Variants in ARFGEF1 observed in about 807,000 individuals in gnomAD.
ARFGEF1 encodes the protein brefeldin A-inhibited guanine nucleotide-exchange protein 1.
ARFGEF1 carries 42 observed loss-of-function variants against 231.0 expected under a neutral mutation model. The observed-to-expected ratio is 0.18, with a 90% CI of 0.14 to 0.24. The LOEUF is 0.24. Among genes scored for constraint, ARFGEF1 ranks in the 10% least tolerant of loss-of-function variants. The pLI, the probability that ARFGEF1 is intolerant of heterozygous loss-of-function variation, is 1.00. For missense variants in ARFGEF1, 1,345 were observed against 2,192.0 expected, an observed-to-expected ratio of 0.61 and a Z score of 7.72; for synonymous variants, 710 against 732.3, an observed-to-expected ratio of 0.97 and a Z score of 0.49.
chr8:67,288,888 C>T (rs1297280937), intron 6 of ARFGEF1, among the ~76,000 whole-genome samples: 4 of 151,674 alleles, frequency 2.6e-5, no homozygotes, highest in Non-Finnish European at 5.9e-5. Flanking sequence ...ATCTACATAT[C>T]TAATGTAAAA....
intron 34 of ARFGEF1, among the ~76,000 whole-genome samples, chr8:67,208,103 G>A (rs1384405817): frequency 3.9e-5 from 6 of 152,310 alleles, no homozygotes; most frequent in Admixed American, 3.3e-4. Flanking sequence ...GACTGAAGCT[G>A]CAAAGGATTC....
downstream of ARFGEF1, among the ~76,000 whole-genome samples, chr8:67,196,639 TTTGA>T (rs1837992154): frequency 6.6e-6 from 1 of 152,268 alleles, no homozygotes; most frequent in African/African-American, 2.4e-5. Flanking sequence ...TAAATTTTTA[TTTGA>T]TTTTCTAATC....
Position 67,343,250 on chromosome 8 carries a change from G to A in ARFGEF1, c.38C>T (p.Thr13Ile). Residue 13 changes from threonine (T) to isoleucine (I), a missense_variant, in exon 1 of 39, where the codon ACC becomes ATC. Thr to Ile is a moderately conservative substitution (Grantham distance 89). Around this residue, in one of 14 missense-constraint regions of ARFGEF1, gnomAD observed 398 missense variants for 463.2 expected, o/e 0.86. Coordinates refer to ENST00000262215, the MANE Select transcript of ARFGEF1 (RefSeq NM_006421.5). ...GGCCAATATCTTCTCCAGAGCCCGG[G>A]TCAGGAACATGTTCTTCGTCTTCTT... ...EGKKTKNMFL[T>I]RALEKILADK... The A allele has an allele frequency of 6.2e-7, 1 of 1,613,980 alleles. No individual in the cohort carries two copies. The highest frequency in any genetic ancestry group is 8.5e-7 in the Non-Finnish European group (1 of 1,179,894).
chr8:67,218,207 A>AAAAAAATATATATATATATATATAT (rs1491555936), intron 30 of ARFGEF1, 69 bp from the exon 31 acceptor site: 3 of 90,852 alleles, frequency 3.3e-5, no homozygotes, highest in Non-Finnish European at 5.5e-5. Flanking sequence ...AAAAAAAAAA[A>AAAAAAATATATATATATATATATAT]ATATATATAT....
intron 22 of ARFGEF1, among the ~76,000 whole-genome samples, chr8:67,235,312 T>C (rs971189756): frequency 2.6e-5 from 4 of 151,754 alleles, no homozygotes; most frequent in South Asian, 2.1e-4. Flanking sequence ...CACAAGAGAA[T>C]AGGGGTGTTA....
chr8:67,217,693 G>C, intron 32 of ARFGEF1, 89 bp downstream of exon 32: 1 of 1,350,754 alleles, frequency 7.4e-7, no homozygotes, highest in Non-Finnish European at 1.0e-6. Context: ...TGAGAAATCA[G>C]TAGTCACTAT....
chr8:67,334,403 A>G (rs1429957471), intron 1 of ARFGEF1, among the ~76,000 whole-genome samples: 1 of 152,178 alleles, frequency 6.6e-6, no homozygotes, highest in African/African-American at 2.4e-5. Context: ...ACTTCATCAT[A>G]ACAACTAGGA....
chr8:67,183,464 G>A (rs1833548603), intron 5 of ARFGEF1, among the ~76,000 whole-genome samples: 2 of 151,920 alleles, frequency 1.3e-5, no homozygotes, highest in African/African-American at 4.8e-5. Flanking sequence ...AGACCACAAT[G>A]GAAATAAACT....
At chr8:67,315,480 A>G (rs1807268734) in intron 1 of ARFGEF1, among the ~76,000 whole-genome samples, 1 of 152,218 alleles carries the variant, frequency 6.6e-6, no homozygotes. Flanking sequence ...TCACCAAGAC[A>G]GTCCATATTT....
At chr8:67,180,690 C>A (rs764328570) in intron 5 of ARFGEF1, among the ~76,000 whole-genome samples, 10 of 152,012 alleles carry the variant, frequency 6.6e-5, no homozygotes, top group Non-Finnish European at 1.3e-4. Context: ...CAAAATGTTA[C>A]CATTGGGGGA....
intron 22 of ARFGEF1, among the ~76,000 whole-genome samples, chr8:67,235,989 G>C (rs1195232464): frequency 2.6e-5 from 4 of 151,820 alleles, no homozygotes; most frequent in Non-Finnish European, 4.4e-5. Context: ...TCACGGCAGA[G>C]ATACCATTAA....
intron 29 of ARFGEF1, among the ~76,000 whole-genome samples, chr8:67,223,604 G>A (rs560207916): frequency 2.0e-5 from 3 of 152,170 alleles, no homozygotes; most frequent in Non-Finnish European, 4.4e-5. Flanking sequence ...TTACTAACTA[G>A]AACACACACA....
intron 15 of ARFGEF1, 129 bp from the exon 16 acceptor site, chr8:67,258,419 G>A (rs1840530700): frequency 1.6e-6 from 1 of 625,996 alleles, no homozygotes; most frequent in Non-Finnish European, 2.7e-6. Flanking sequence ...TCTGCCCCCA[G>A]GTTCAAGCGA....
At chr8:67,321,079 AT>A (rs1193520747) in intron 1 of ARFGEF1, among the ~76,000 whole-genome samples, 2 of 147,490 alleles carry the variant, frequency 1.4e-5, no homozygotes, top group Non-Finnish European at 3.0e-5. Flanking sequence ...ATCATTCCAC[AT>A]TTATGACATT....
chr8:67,244,337 G>GC (rs1461134944), intron 19 of ARFGEF1, among the ~76,000 whole-genome samples: 1 of 122,244 alleles, frequency 8.2e-6, no homozygotes, highest in African/African-American at 3.2e-5. Context: ...TTTTTTTGAG[G>GC]ATCTCACTCT....
chr8:67,237,561 G>A (rs1839808730), intron 22 of ARFGEF1, among the ~76,000 whole-genome samples: 1 of 152,210 alleles, frequency 6.6e-6, no homozygotes, highest in Non-Finnish European at 1.5e-5. Context: ...ATTGGTTGGA[G>A]GTGGGGGGTT....
At chr8:67,297,548 T>C (rs1321526676) in intron 4 of ARFGEF1, among the ~76,000 whole-genome samples, 1 of 152,154 alleles carries the variant, frequency 6.6e-6, no homozygotes, top group Non-Finnish European at 1.5e-5. Flanking sequence ...CCACAGCACT[T>C]AGCCTGGGCA....
Position 67,217,937 on chromosome 8 carries a change from C to T in ARFGEF1, c.4475-17G>A, listed in dbSNP as rs752529021. 6.2e-7 allele frequency: 1 copy of T among 1,612,950 alleles called. No individual in the cohort carries two copies. The highest frequency in any genetic ancestry group is 1.1e-5 in the South Asian group (1 of 91,018). On this transcript the variant is annotated splice_polypyrimidine_tract_variant and intron_variant, in intron 31 of 38. Transcript: ENST00000262215. The stretch of plus-strand genomic sequence containing the variant: ...GCTCATTGTCTAGGAAAGAAAAGAG[C>T]AATTCATTTATATATTACCAGGGTC...
At chr8:67,311,028 T>C (rs1456564205) in intron 1 of ARFGEF1, among the ~76,000 whole-genome samples, 1 of 118,942 alleles carries the variant, frequency 8.4e-6, no homozygotes, top group Admixed American at 8.5e-5. Context: ...GTCTGGGAGG[T>C]GAGGGGCGCC....
Sources: allele counts gnomAD v4.1 joint callset (sites outside exome capture counted in the v4.1 genomes callset), GRCh38; gene constraint gnomAD v4.1.1; regional missense constraint gnomAD v4.1.1; transcripts MANE v1.5; gene names NCBI Gene and HGNC (gene_info 2026-07-23, HGNC 2026-07-21).